The following GRM5 variants were observed in gnomAD, a reference collection of about 807,000 sequenced individuals.
The protein encoded by GRM5 is metabotropic glutamate receptor 5.
Under a neutral mutation model 83.1 loss-of-function variants are expected in GRM5, and 19 were observed. That is an observed-to-expected ratio of 0.23 (90% CI 0.16 to 0.34). GRM5 has a LOEUF of 0.34. Ranked by LOEUF, GRM5 falls within the 10% of genes least tolerant of loss-of-function variation. The pLI, the probability that GRM5 is intolerant of heterozygous loss-of-function variation, is 1.00. For missense variants in GRM5, 1,160 were observed against 1,588.3 expected, an observed-to-expected ratio of 0.73 and a Z score of 4.58; for synonymous variants, 675 against 633.6, an observed-to-expected ratio of 1.07 and a Z score of -0.98.
At position 88,965,427 on chromosome 11, in the gene GRM5, T is replaced by A. The variant is rs527906358; in HGVS notation, c.661+81785A>T. Among the ~76,000 whole-genome samples, 11 of 152,242 alleles carry A rather than the reference T, an allele frequency of 7.2e-5. No individual in the cohort carries two copies. In the South Asian group the frequency reaches 2.3e-3, roughly 32 times the overall value. ...CTCCATGCTCATGACCTAATTTCCT[T>A]CTAAAAACCCTACCTCCAAATACCA... On this transcript the variant is annotated intron_variant, in intron 2 of 9. Transcript: ENST00000305447.
intron 8 of GRM5, among the ~76,000 whole-genome samples, chr11:88,532,140 A>T (rs1178608472): frequency 6.6e-6 from 1 of 152,098 alleles, no homozygotes; most frequent in Admixed American, 6.5e-5. Flanking sequence ...AATTTTAGTA[A>T]CTCAATATGG....
chr11:88,676,135 C>T (rs1207011614), intron 3 of GRM5, among the ~76,000 whole-genome samples: 1 of 151,958 alleles, frequency 6.6e-6, no homozygotes, highest in African/African-American at 2.4e-5. Flanking sequence ...AATTTAATGT[C>T]TTGCATTTTA....
intron 2 of GRM5, among the ~76,000 whole-genome samples, chr11:88,947,689 C>A (rs1236917799): frequency 6.6e-6 from 1 of 152,108 alleles, no homozygotes; most frequent in African/African-American, 2.4e-5. Context: ...TCCATTATGA[C>A]TGGAAGAAAT....
At chr11:88,607,218 C>G (rs985204560) in intron 4 of GRM5, among the ~76,000 whole-genome samples, 1 of 152,214 alleles carries the variant, frequency 6.6e-6, no homozygotes, top group Non-Finnish European at 1.5e-5. Flanking sequence ...CTTCCCCACA[C>G]AGACTGGATT....
chr11:88,548,522 A>G (rs1402905221), intron 8 of GRM5, among the ~76,000 whole-genome samples: 3 of 152,202 alleles, frequency 2.0e-5, no homozygotes, highest in Non-Finnish European at 4.4e-5. Context: ...ATTCATCAAA[A>G]TCATCCAGAC....
In GRM5 at chr11:88,988,927, C is replaced by T. The variant is rs1161718015; in HGVS notation, c.661+58285G>A. On this transcript the variant is annotated intron_variant, in intron 2 of 9. Coordinates refer to ENST00000305447, the MANE Select transcript of GRM5 (RefSeq NM_001143831.3). The stretch of plus-strand genomic sequence containing the variant: ...AATCATGCCAAAATGTAAAGACCAT[C>T]GAGACTAGGAAGAAACTGCATCAAC... Among the ~76,000 whole-genome samples the T allele has an allele frequency of 6.1e-5, 9 of 147,994 alleles. No individual in the cohort carries two copies. The South Asian group carries it at 1.3e-3, about 22-fold the overall frequency.
chr11:88,541,435 T>C (rs1289134096), intron 8 of GRM5, among the ~76,000 whole-genome samples: 1 of 152,156 alleles, frequency 6.6e-6, no homozygotes, highest in Non-Finnish European at 1.5e-5. Flanking sequence ...CATATATAAA[T>C]ATATAGACAC....
intron 2 of GRM5, among the ~76,000 whole-genome samples, chr11:88,955,582 T>A (rs1008429080): frequency 1.3e-5 from 2 of 152,242 alleles, no homozygotes; most frequent in African/African-American, 4.8e-5. Flanking sequence ...AAATGCTTTT[T>A]TTCTATCTAA....
intron 3 of GRM5, among the ~76,000 whole-genome samples, chr11:88,787,311 A>T (rs1402861140): frequency 6.6e-6 from 1 of 152,068 alleles, no homozygotes; most frequent in African/African-American, 2.4e-5. Flanking sequence ...ACTGTTAAAA[A>T]ATATCCAGGG....
In GRM5 at chr11:88,897,279, C is replaced by T. The variant is rs541330356; in HGVS notation, c.662-47124G>A. On this transcript the variant is annotated intron_variant, in intron 2 of 9. Coordinates refer to ENST00000305447, the MANE Select transcript of GRM5 (RefSeq NM_001143831.3). Reference sequence around the variant, plus strand: ...AACTTAAAATTTTGATATAAATATTCATAGGGTTCATCCCTTTTCTTCTGT... The same window carrying T: ...AACTTAAAATTTTGATATAAATATTTATAGGGTTCATCCCTTTTCTTCTGT... Among the ~76,000 whole-genome samples the T allele has an allele frequency of 7.9e-5, 12 of 152,026 alleles. No homozygotes were observed. The South Asian group carries it at 2.3e-3, about 29-fold the overall frequency.
chr11:89,065,514 C>A (rs1942083383), intron 1 of GRM5, among the ~76,000 whole-genome samples: 1 of 152,032 alleles, frequency 6.6e-6, no homozygotes, highest in Admixed American at 6.6e-5. Flanking sequence ...CCGCGGTAGC[C>A]CAGGCTCCTG....
chr11:88,886,015 C>T (rs1945039183), intron 2 of GRM5, among the ~76,000 whole-genome samples: 1 of 152,142 alleles, frequency 6.6e-6, no homozygotes, highest in African/African-American at 2.4e-5. Context: ...GGGTGACCAG[C>T]CTTCTCTGCA....
rs1229768738 is a variant in GRM5, at chr11:88,573,502, T to C, written c.1691-5510A>G. Among the ~76,000 whole-genome samples the C allele has an allele frequency of 2.6e-5, 4 of 152,220 alleles. No homozygotes were observed. The South Asian group carries it at 8.3e-4, about 32-fold the overall frequency. ...GAACAAGAGCTCCTTACCAAGCTCCTACATTCCTGTATATTTTGGATAAAG... is the reference window on the plus strand; with the variant it reads ...GAACAAGAGCTCCTTACCAAGCTCCCACATTCCTGTATATTTTGGATAAAG... On this transcript the variant is annotated intron_variant, in intron 7 of 9. Coordinates refer to ENST00000305447, the MANE Select transcript of GRM5 (RefSeq NM_001143831.3).
intron 3 of GRM5, among the ~76,000 whole-genome samples, chr11:88,662,838 AC>A (rs1482042681): frequency 2.0e-5 from 3 of 152,134 alleles, no homozygotes; most frequent in Non-Finnish European, 4.4e-5. Flanking sequence ...ACACCCACAG[AC>A]CACCAAATTC....
chr11:88,641,400 C>A (rs886451479), intron 4 of GRM5, among the ~76,000 whole-genome samples: 3 of 151,584 alleles, frequency 2.0e-5, no homozygotes, highest in African/African-American at 7.3e-5. Context: ...ATTATGCTGC[C>A]CCTGGCCCCT....
intron 4 of GRM5, among the ~76,000 whole-genome samples, chr11:88,612,280 C>T (rs1447693792): frequency 6.7e-6 from 1 of 150,170 alleles, no homozygotes; most frequent in Non-Finnish European, 1.5e-5. Context: ...ATCCATGTCC[C>T]TACAAAGGAC....
intron 3 of GRM5, among the ~76,000 whole-genome samples, chr11:88,661,392 T>A (rs956749944): frequency 6.6e-6 from 1 of 152,168 alleles, no homozygotes; most frequent in African/African-American, 2.4e-5. Context: ...CCGTGCAGAA[T>A]GGTCCTCTTG....
intron 8 of GRM5, among the ~76,000 whole-genome samples, chr11:88,539,837 C>T (rs1302167082): frequency 3.3e-5 from 5 of 152,192 alleles, no homozygotes; most frequent in Non-Finnish European, 7.3e-5. Flanking sequence ...CTTCTCTTTA[C>T]TTGTCTCAGC....
chr11:88,814,302 A>C (rs138939974), intron 3 of GRM5, among the ~76,000 whole-genome samples: 1 of 152,336 alleles, frequency 6.6e-6, no homozygotes, highest in African/African-American at 2.4e-5. Flanking sequence ...TCTAACATCT[A>C]CAAGATAGAG....
Sources: gnomAD v4.1 joint callset for allele counts (sites outside exome capture counted in the v4.1 genomes callset) on GRCh38, gnomAD v4.1.1 for gene constraint, MANE v1.5 for transcripts, NCBI Gene and HGNC (gene_info 2026-07-23, HGNC 2026-07-21) for gene names.